The following SLC10A7 variants were observed in gnomAD, a reference collection of about 807,000 sequenced individuals.
SLC10A7 encodes sodium/bile acid cotransporter 7.
Under a neutral mutation model 43.2 loss-of-function variants are expected in SLC10A7, and 29 were observed. The ratio of observed to expected loss-of-function variants is 0.67; its 90% CI spans 0.50 to 0.92. The LOEUF is 0.92. Among genes scored for constraint, SLC10A7 ranks in the 40% least tolerant of loss-of-function variants. The pLI, the probability that SLC10A7 is intolerant of heterozygous loss-of-function variation, is 0.00. For missense variants in SLC10A7, 295 were observed against 403.2 expected (o/e 0.73, Z 2.30); for synonymous variants, 152 against 144.8 (o/e 1.05, Z -0.35).
intron 4 of SLC10A7, among the ~76,000 whole-genome samples, chr4:146,470,624 TG>T (rs1433000777): frequency 1.3e-5 from 2 of 152,200 alleles, no homozygotes; most frequent in East Asian, 3.8e-4. Context: ...ACCTCAAACT[TG>T]AACACAGTTT....
chr4:146,348,200 G>A (rs766672762), intron 5 of SLC10A7, among the ~76,000 whole-genome samples: 4 of 152,108 alleles, frequency 2.6e-5, no homozygotes, highest in Admixed American at 1.3e-4. Context: ...ACCAAACCTC[G>A]TTGGCTTCTG....
At chr4:146,404,499 T>C (rs1739442186) in intron 5 of SLC10A7, among the ~76,000 whole-genome samples, 1 of 152,030 alleles carries the variant, frequency 6.6e-6, no homozygotes, top group Non-Finnish European at 1.5e-5. Context: ...TGTGTGTGTG[T>C]GTGTGTGTGT....
chr4:146,479,897 A>AT (rs1294048153), intron 4 of SLC10A7, among the ~76,000 whole-genome samples: 1 of 152,148 alleles, frequency 6.6e-6, no homozygotes, highest in Non-Finnish European at 1.5e-5. Context: ...CCACATGTTA[A>AT]TGTATACATT....
At chr4:146,472,272 T>C (rs1733634877) in intron 4 of SLC10A7, among the ~76,000 whole-genome samples, 1 of 152,134 alleles carries the variant, frequency 6.6e-6, no homozygotes, top group Non-Finnish European at 1.5e-5. Context: ...ACGGCATACA[T>C]ACCAGTGTTA....
chr4:146,466,086 C>G (rs1214051718), intron 4 of SLC10A7, among the ~76,000 whole-genome samples: 2 of 152,172 alleles, frequency 1.3e-5, no homozygotes, highest in African/African-American at 4.8e-5. Flanking sequence ...CCCTTAACTA[C>G]TCCTTACATC....
chr4:146,323,831 G>C (rs532881287), intron 6 of SLC10A7, among the ~76,000 whole-genome samples: 298 of 152,216 alleles, frequency 2.0e-3, no homozygotes, highest in Middle Eastern at 3.4e-3. Flanking sequence ...AGGGCAATCA[G>C]GCAGGAGAAA....
chr4:146,395,712 G>A (rs1393227207), intron 5 of SLC10A7, among the ~76,000 whole-genome samples: 2 of 151,818 alleles, frequency 1.3e-5, no homozygotes, highest in Admixed American at 6.6e-5. Flanking sequence ...AAACCAAAAC[G>A]AGTATATATA....
At chr4:146,499,273 A>T (rs1240500881) in intron 4 of SLC10A7, among the ~76,000 whole-genome samples, 1 of 152,204 alleles carries the variant, frequency 6.6e-6, no homozygotes, top group Non-Finnish European at 1.5e-5. Flanking sequence ...TTCTATTGCT[A>T]TGTTAAAACC....
At chr4:146,489,998 AC>A (rs1268510044) in intron 4 of SLC10A7, among the ~76,000 whole-genome samples, 1 of 151,992 alleles carries the variant, frequency 6.6e-6, no homozygotes, top group African/African-American at 2.4e-5. Context: ...CAAGGGAGCT[AC>A]ATAATTCCTC....
intron 5 of SLC10A7, among the ~76,000 whole-genome samples, chr4:146,400,023 C>T (rs560135560): frequency 6.6e-6 from 1 of 152,212 alleles, no homozygotes; most frequent in South Asian, 2.1e-4. Context: ...GACCCACAGC[C>T]AGGCCTGAGA....
chr4:146,520,156 C>A (rs1738486996), intron 1 of SLC10A7, among the ~76,000 whole-genome samples: 1 of 152,154 alleles, frequency 6.6e-6, no homozygotes, highest in African/African-American at 2.4e-5. Flanking sequence ...TCTGTAATTT[C>A]ATCTCAAAAC....
At chr4:146,400,135 T>A (rs1387175449) in intron 5 of SLC10A7, among the ~76,000 whole-genome samples, 1 of 151,940 alleles carries the variant, frequency 6.6e-6, no homozygotes, top group East Asian at 1.9e-4. Flanking sequence ...ATCATGGAAA[T>A]GAAAAGAGAA....
At chr4:146,470,232 A>T (rs1733439415) in intron 4 of SLC10A7, among the ~76,000 whole-genome samples, 1 of 152,170 alleles carries the variant, frequency 6.6e-6, no homozygotes, top group Non-Finnish European at 1.5e-5. Context: ...AGTCTTAAGA[A>T]CTATTGTTCA....
intron 2 of SLC10A7, among the ~76,000 whole-genome samples, chr4:146,515,997 T>A (rs1350159034): frequency 6.6e-6 from 1 of 152,024 alleles, no homozygotes; most frequent in Non-Finnish European, 1.5e-5. Context: ...AAAGTCATAT[T>A]TTTTCCATGT....
chr4:146,378,198 T>G (rs1479386157), intron 5 of SLC10A7, among the ~76,000 whole-genome samples: 1 of 152,228 alleles, frequency 6.6e-6, no homozygotes, highest in Non-Finnish European at 1.5e-5. Flanking sequence ...TGCTTCTAAG[T>G]GTGCAGGGAT....
intron 5 of SLC10A7, among the ~76,000 whole-genome samples, chr4:146,345,735 A>C (rs1222669698): frequency 2.6e-5 from 4 of 152,110 alleles, no homozygotes; most frequent in Non-Finnish European, 5.9e-5. Context: ...GAGGAAAGGG[A>C]CCATGCTTAT....
At chr4:146,493,087 T>C (rs1166742166) in intron 4 of SLC10A7, among the ~76,000 whole-genome samples, 1 of 152,234 alleles carries the variant, frequency 6.6e-6, no homozygotes, top group Non-Finnish European at 1.5e-5. Context: ...AATACATGTG[T>C]AATTAGCATG....
intron 5 of SLC10A7, among the ~76,000 whole-genome samples, chr4:146,341,461 TGTTA>T (rs1410503965): frequency 2.0e-5 from 3 of 151,856 alleles, no homozygotes; most frequent in African/African-American, 7.2e-5. Context: ...CTTGAATCAG[TGTTA>T]GTGTTTTAAT....
intron 5 of SLC10A7, among the ~76,000 whole-genome samples, chr4:146,331,138 G>A (rs1457129846): frequency 6.6e-6 from 1 of 152,014 alleles, no homozygotes; most frequent in African/African-American, 2.4e-5. Context: ...TTAGGGCAGG[G>A]TTCTGAGCTT....
Sources: gnomAD v4.1 joint callset for allele counts (sites outside exome capture counted in the v4.1 genomes callset) on GRCh38, gnomAD v4.1.1 for gene constraint, MANE v1.5 for transcripts, NCBI Gene and HGNC (gene_info 2026-07-23, HGNC 2026-07-21) for gene names.